The following SPICE1 variants were observed in gnomAD, a reference collection of about 807,000 sequenced individuals.
The protein encoded by SPICE1 is spindle and centriole-associated protein 1.
SPICE1 carries 75 observed loss-of-function variants against 102.7 expected under a neutral mutation model. The ratio of observed to expected loss-of-function variants is 0.73; its 90% confidence interval spans 0.61 to 0.88. The LOEUF (loss-of-function observed/expected upper bound fraction) is 0.88, where lower values mean the gene tolerates loss of function less well. Ranked by LOEUF, SPICE1 falls within the 40% of genes least tolerant of loss-of-function variation. The pLI, the probability that SPICE1 is intolerant of heterozygous loss-of-function variation, is 0.00. For missense variants in SPICE1, 979 were observed against 1,020.1 expected, an observed-to-expected ratio of 0.96 and a Z score of 0.55; for synonymous variants, 308 against 350.3, an observed-to-expected ratio of 0.88 and a Z score of 1.35.
chr3:113,490,308 G>A (rs1323259441), intron 6 of SPICE1, among the ~76,000 whole-genome samples: 1 of 152,084 alleles, frequency 6.6e-6, no homozygotes, highest in Non-Finnish European at 1.5e-5. Flanking sequence ...ACCCAGATCT[G>A]TCCTAAGCCC....
At position 113,468,141 on chromosome 3, in the gene SPICE1, C is replaced by A. The variant is rs1219519026; in HGVS notation, c.1153G>T (p.Glu385Ter). Residue 385 changes from glutamate to a stop codon, truncating the protein, a stop_gained and splice_region_variant, in exon 10 of 18, where the codon GAG becomes TAG. Transcript: ENST00000295872. LOFTEE classifies it high-confidence loss of function. ...SLCRLVRYLK[E>*]SEIQLRKEVE... ...CTCTACTAACCTAATGTCCTTACCT[C>A]TTTAAGGTACCGAACCAGGCGACAG... 1.1e-5 allele frequency: 17 copies of A among 1,614,026 alleles called. No homozygotes were observed. Among genetic ancestry groups the A allele is most frequent in the Non-Finnish European group, 1.4e-5 (17 of 1,180,024 alleles).
At position 113,460,709 on chromosome 3, in the gene SPICE1, T is replaced by A. The variant is rs760448651; in HGVS notation, c.1343A>T (p.His448Leu). The part of the protein sequence containing the change: ...TTDEQLISLT[H>L]AIKNCPVINN... ...TATCACAGGACAGTTCTTAATAGCA[T>A]GTGTGAGTGATATCAGTTGCTCATC... is the stretch of plus-strand genomic sequence containing the variant. The change falls in exon 12 of 18, where the codon CAT becomes CTT. Residue 448 changes from histidine (H) to leucine (L), a missense_variant. Coordinates refer to ENST00000295872, the MANE Select transcript of SPICE1 (RefSeq NM_144718.4). The A allele has an allele frequency of 9.9e-6, 16 of 1,613,514 alleles. No homozygotes were observed. In the East Asian group the frequency reaches 1.8e-4, roughly 18 times the overall value.
At position 113,457,220 on chromosome 3, in the gene SPICE1, A is replaced by G. The variant is rs778133162; in HGVS notation, c.1573T>C (p.Phe525Leu). ...PPDNMNLAKN[F>L]PAHIFEPAVL... ...GCTGGCTCAAAAATATGTGCTGGAAAATTCTTGGCCAGATTCATGTTATCT... is the reference window on the plus strand; with the variant it reads ...GCTGGCTCAAAAATATGTGCTGGAAGATTCTTGGCCAGATTCATGTTATCT... Residue 525 changes from phenylalanine (F) to leucine (L), a missense_variant, in exon 13 of 18, where the codon TTT (phenylalanine) becomes CTT (leucine). Phe to Leu is a conservative substitution (Grantham distance 22). Coordinates refer to ENST00000295872, the MANE Select transcript of SPICE1 (RefSeq NM_144718.4). The G allele has an allele frequency of 6.2e-7, 1 of 1,614,156 alleles. No individual in the cohort carries two copies. Among genetic ancestry groups the G allele is most frequent in the East Asian group, 2.2e-5 (1 of 44,866 alleles).
chr3:113,482,098 T>C (rs1936523653), intron 7 of SPICE1, among the ~76,000 whole-genome samples: 1 of 152,248 alleles, frequency 6.6e-6, no homozygotes. Flanking sequence ...TTTTTAATGA[T>C]CGCCATTCTA....
intron 14 of SPICE1, among the ~76,000 whole-genome samples, chr3:113,452,586 A>G (rs1175195090): frequency 6.6e-6 from 1 of 152,216 alleles, no homozygotes; most frequent in African/African-American, 2.4e-5. Flanking sequence ...TGGGAGGCTG[A>G]GGCAGCAGAA....
chr3:113,456,417 G>C (rs967875070), intron 13 of SPICE1, among the ~76,000 whole-genome samples: 1 of 151,156 alleles, frequency 6.6e-6, no homozygotes, highest in African/African-American at 2.4e-5. Context: ...TTCTTTTTTT[G>C]ACTAAAGACC....
intron 4 of SPICE1, among the ~76,000 whole-genome samples, chr3:113,496,320 C>T (rs1052243625): frequency 2.0e-5 from 3 of 151,938 alleles, no homozygotes; most frequent in Non-Finnish European, 4.4e-5. Context: ...CTCTACAAGC[C>T]TAACTCTATC....
At chr3:113,504,005 G>A (rs557552128) in intron 2 of SPICE1, among the ~76,000 whole-genome samples, 625 of 150,420 alleles carry the variant, frequency 4.2e-3, no homozygotes, top group Middle Eastern at 0.014. Context: ...AACATCTTAA[G>A]CATAGATGCT....
intron 7 of SPICE1, among the ~76,000 whole-genome samples, chr3:113,481,725 T>C (rs1232363644): frequency 2.0e-5 from 3 of 152,214 alleles, no homozygotes; most frequent in Admixed American, 2.0e-4. Context: ...GCTTCATCCA[T>C]GTCCCTGCAA....
intron 1 of SPICE1, among the ~76,000 whole-genome samples, chr3:113,509,555 C>A (rs1481973145): frequency 1.3e-5 from 2 of 152,130 alleles, no homozygotes; most frequent in South Asian, 2.1e-4. Context: ...ATCCCACAAC[C>A]CTGTGAAGCC....
chr3:113,488,258 G>A (rs1936689566), intron 7 of SPICE1, among the ~76,000 whole-genome samples: 1 of 152,080 alleles, frequency 6.6e-6, no homozygotes, highest in African/African-American at 2.4e-5. Flanking sequence ...GAATTATTTA[G>A]GGATAAAGGA....
chr3:113,486,550 A>C (rs531493776), intron 7 of SPICE1, among the ~76,000 whole-genome samples: 11 of 151,808 alleles, frequency 7.2e-5, no homozygotes, highest in African/African-American at 2.6e-4. Flanking sequence ...CAGTACATTC[A>C]CACAATTTAG....
At chr3:113,488,773 G>A (rs1248776827) in intron 7 of SPICE1, among the ~76,000 whole-genome samples, 172 bp downstream of exon 7, 1 of 152,070 alleles carries the variant, frequency 6.6e-6, no homozygotes, top group Non-Finnish European at 1.5e-5. Flanking sequence ...TGAGTAAAGA[G>A]TATACAAGAG....
intron 7 of SPICE1, among the ~76,000 whole-genome samples, chr3:113,479,424 C>T (rs568973137): frequency 5.9e-5 from 9 of 151,736 alleles, no homozygotes; most frequent in East Asian, 3.9e-4. Context: ...TGAATAGTGC[C>T]GCAATAAACA....
chr3:113,502,613 C>G (rs1023108090), intron 3 of SPICE1, among the ~76,000 whole-genome samples: 1 of 134,562 alleles, frequency 7.4e-6, no homozygotes, highest in African/African-American at 2.8e-5. Flanking sequence ...AAACTGCACA[C>G]TTTAAACAGG....
At chr3:113,509,761 CAT>C (rs1391894313) in intron 1 of SPICE1, among the ~76,000 whole-genome samples, 1 of 152,178 alleles carries the variant, frequency 6.6e-6, no homozygotes, top group African/African-American at 2.4e-5. Context: ...CTATAATCCC[CAT>C]GTGTCATGAG....
Position 113,457,199 on chromosome 3 carries a change from G to A in SPICE1, c.1594C>T (p.Pro532Ser), listed in dbSNP as rs367877082. Residue 532 changes from proline (P) to serine (S), a missense_variant, in exon 13 of 18, where the codon CCA (proline) becomes TCA (serine). Pro to Ser is a moderately conservative substitution (Grantham distance 74). Transcript: ENST00000295872. Reference protein sequence around the residue: ...AKNFPAHIFEPAVLLTPPRQK... With the variant: ...AKNFPAHIFESAVLLTPPRQK... ...CTGGGTGGTGTTAACAACACAGCTG[G>A]CTCAAAAATATGTGCTGGAAAATTC... is the stretch of plus-strand genomic sequence containing the variant. The A allele has an allele frequency of 9.9e-5, 160 of 1,614,020 alleles. No individual in the cohort carries two copies. Among genetic ancestry groups the A allele is most frequent in the Non-Finnish European group, 1.3e-4 (159 of 1,180,036 alleles).
chr3:113,491,646 A>AAAAAAAAAAAT lies in SPICE1; in HGVS notation c.492+1559_492+1560insATTTTTTTTTT, dbSNP rs1559972346. ...TCTCAAAAAAAAAAAAAAAAAAAAA[A>AAAAAAAAAAAT]AAAGATTATCTATAGCAACACCAAT... On this transcript the variant is annotated intron_variant, in intron 6 of 17. Coordinates refer to ENST00000295872, the MANE Select transcript of SPICE1 (RefSeq NM_144718.4). 2.6e-3 allele frequency among the ~76,000 whole-genome samples: 398 copies of AAAAAAAAAAAT among 150,354 alleles called. 6 individuals are homozygous for AAAAAAAAAAAT. The highest frequency in any genetic ancestry group is 9.3e-3 in the African/African-American group (377 of 40,372).
rs529498936 is a variant in SPICE1, at chr3:113,463,187, C to T, written c.1288-2423G>A. On this transcript the variant is annotated intron_variant, in intron 11 of 17. Transcript: ENST00000295872. ...TAACTGCATCCTACCCCATCCTATGCATTTCCTGTGCCTTTATGTGCTTTA... is the reference window on the plus strand; with the variant it reads ...TAACTGCATCCTACCCCATCCTATGTATTTCCTGTGCCTTTATGTGCTTTA... 1.1e-3 allele frequency among the ~76,000 whole-genome samples: 166 copies of T among 152,356 alleles called. 1 individual carries two copies. Among genetic ancestry groups the T allele is most frequent in the African/African-American group, 3.8e-3 (160 of 41,582 alleles).
Sources: allele counts gnomAD v4.1 joint callset (sites outside exome capture counted in the v4.1 genomes callset), GRCh38; gene constraint gnomAD v4.1.1; transcripts MANE v1.5; gene names NCBI Gene and HGNC (gene_info 2026-07-23, HGNC 2026-07-21).